The following FOCAD variants were observed in gnomAD, a reference collection of about 807,000 sequenced individuals.
FOCAD encodes focadhesin, also known as KIAA1797.
In FOCAD, 198 loss-of-function variants were observed where a neutral mutation model predicts 225.6. The observed-to-expected ratio is 0.88, with a 90% CI of 0.78 to 0.99. The LOEUF is 0.99. FOCAD is among the 50% of genes least tolerant of loss of function. The pLI, the probability that FOCAD is intolerant of heterozygous loss-of-function variation, is 0.00. For synonymous variants in FOCAD, 897 were observed against 755.0 expected (o/e 1.19, Z -3.08); for missense variants, 2,713 against 2,123.6 (o/e 1.28, Z -5.46).
At chr9:20,750,132 G>C (rs1587009041) in intron 5 of FOCAD, among the ~76,000 whole-genome samples, 1 of 152,134 alleles carries the variant, frequency 6.6e-6, no homozygotes. Flanking sequence ...CAATGTGCTA[G>C]AGGGACTGTG....
At chr9:20,872,001 C>G (rs899527872) in intron 18 of FOCAD, among the ~76,000 whole-genome samples, 7 of 151,264 alleles carry the variant, frequency 4.6e-5, no homozygotes, top group African/African-American at 1.2e-4. Flanking sequence ...ATAATAAGTG[C>G]TAATTTGTCC....
intron 8 of FOCAD, among the ~76,000 whole-genome samples, chr9:20,773,477 A>C (rs1021412554): frequency 6.6e-5 from 10 of 152,216 alleles, no homozygotes; most frequent in Admixed American, 5.2e-4. Flanking sequence ...TTTGCACATA[A>C]GGCAAATAGC....
chr9:20,990,499 C>A, intron 42 of FOCAD, 125 bp downstream of exon 42: 2 of 1,196,208 alleles, frequency 1.7e-6, no homozygotes, highest in South Asian at 1.5e-5. Context: ...CTACCCAGCC[C>A]CATATCTCAG....
rs554715151 is a variant in FOCAD, at chr9:20,670,520, GA to G, written c.-78+11695del. 1.3e-3 allele frequency among the ~76,000 whole-genome samples: 196 copies of G among 152,304 alleles called. 1 individual carries two copies. Among genetic ancestry groups the G allele is most frequent in the African/African-American group, 4.5e-3 (187 of 41,568 alleles). ...CAGCAGGAGAGAGAATAGAGAAAGGGAGGGAGTGTCACACTTTTAAATCACC... is the reference window on the plus strand; with the variant it reads ...CAGCAGGAGAGAGAATAGAGAAAGGGGGGAGTGTCACACTTTTAAATCACC... On this transcript the variant is annotated intron_variant, in intron 2 of 45. Coordinates refer to the FOCAD transcript ENST00000380249.
At chr9:20,789,175 T>G (rs1167446290) in intron 10 of FOCAD, among the ~76,000 whole-genome samples, 176 bp from the exon 11 acceptor site, 2 of 152,226 alleles carry the variant, frequency 1.3e-5, no homozygotes, top group African/African-American at 2.4e-5. Flanking sequence ...TCTTTTCTCT[T>G]TGTGTAATCC....
chr9:20,975,201 C>T (rs1420723647), intron 35 of FOCAD, among the ~76,000 whole-genome samples: 3 of 152,166 alleles, frequency 2.0e-5, no homozygotes, highest in African/African-American at 7.2e-5. Context: ...CTGGCCTCCT[C>T]GTAGTTTCAC....
chr9:20,809,274 A>G (rs538534282), intron 11 of FOCAD, among the ~76,000 whole-genome samples: 2 of 152,316 alleles, frequency 1.3e-5, no homozygotes, highest in Admixed American at 1.3e-4. Flanking sequence ...GTCCAAAAGA[A>G]CTTTCTGCTA....
At chr9:20,752,702 ATT>A (rs1473171172) in intron 5 of FOCAD, among the ~76,000 whole-genome samples, 1 of 152,174 alleles carries the variant, frequency 6.6e-6, no homozygotes, top group Non-Finnish European at 1.5e-5. Context: ...GAAGAAAGTC[ATT>A]GGTAGCTTGC....
intron 7 of FOCAD, among the ~76,000 whole-genome samples, chr9:20,768,040 A>G (rs7854956): frequency 0.51 from 77,420 of 150,586 alleles, 20,172 homozygotes; most frequent in African/African-American, 0.56. Context: ...AGCTTTCTCC[A>G]TATGGCTAGC....
chr9:20,768,863 A>T (rs1247703395), intron 7 of FOCAD, among the ~76,000 whole-genome samples: 1 of 152,096 alleles, frequency 6.6e-6, no homozygotes, highest in Non-Finnish European at 1.5e-5. Flanking sequence ...ATATATTTCT[A>T]CATAAAGACA....
chr9:20,931,171 C>T (rs1835431806), intron 27 of FOCAD, among the ~76,000 whole-genome samples: 1 of 152,124 alleles, frequency 6.6e-6, no homozygotes, highest in Admixed American at 6.6e-5. Context: ...TGATGATTCC[C>T]CCAGAACACT....
intron 22 of FOCAD, among the ~76,000 whole-genome samples, chr9:20,912,500 A>G (rs897577484): frequency 6.6e-6 from 1 of 152,134 alleles, no homozygotes; most frequent in Admixed American, 6.6e-5. Context: ...ATGGTCCCCA[A>G]TCTTGGTATA....
At chr9:20,808,791 C>T (rs1352038678) in intron 11 of FOCAD, among the ~76,000 whole-genome samples, 1 of 152,202 alleles carries the variant, frequency 6.6e-6, no homozygotes, top group African/African-American at 2.4e-5. Context: ...GGCTTAGCTA[C>T]TTCCTACTCT....
At chr9:20,859,259 G>A (rs1006619729) in intron 15 of FOCAD, among the ~76,000 whole-genome samples, 3 of 151,934 alleles carry the variant, frequency 2.0e-5, no homozygotes, top group Admixed American at 6.6e-5. Flanking sequence ...GTGCATGCCT[G>A]TAATTCCAGC....
At chr9:20,762,881 A>G (rs545611197) in intron 6 of FOCAD, among the ~76,000 whole-genome samples, 30 of 152,100 alleles carry the variant, frequency 2.0e-4, no homozygotes, top group Middle Eastern at 3.4e-3. Context: ...GTCTGTGTGA[A>G]CCCAAGGTTT....
intron 1 of FOCAD, among the ~76,000 whole-genome samples, chr9:20,703,590 C>T (rs943216293): frequency 6.6e-6 from 1 of 151,940 alleles, no homozygotes; most frequent in Non-Finnish European, 1.5e-5. Flanking sequence ...TTATTTCTCT[C>T]TAGTGACTTG....
intron 24 of FOCAD, among the ~76,000 whole-genome samples, chr9:20,920,820 G>C (rs923586546): frequency 2.7e-5 from 4 of 150,802 alleles, no homozygotes; most frequent in Non-Finnish European, 4.4e-5. Context: ...TTGTGGGGTG[G>C]GGGGAGTGGG....
At chr9:20,933,560 C>A (rs1259806235) in intron 28 of FOCAD, among the ~76,000 whole-genome samples, 1 of 150,916 alleles carries the variant, frequency 6.6e-6, no homozygotes, top group Non-Finnish European at 1.5e-5. Flanking sequence ...AGTATTCCAT[C>A]GTGTGTGTGT....
chr9:20,948,515 A>G, intron 31 of FOCAD, 122 bp downstream of exon 31: 1 of 1,049,526 alleles, frequency 9.5e-7, no homozygotes, highest in Non-Finnish European at 1.3e-6. Context: ...GGCAATTTTA[A>G]ATGAAAGAGA....
Sources: allele counts gnomAD v4.1 joint callset (sites outside exome capture counted in the v4.1 genomes callset), GRCh38; gene constraint gnomAD v4.1.1; transcripts MANE v1.5; gene names NCBI Gene and HGNC (gene_info 2026-07-23, HGNC 2026-07-21).